CDHR3: variants seen among roughly 807,000 people sequenced by gnomAD.
CDHR3 encodes the protein cadherin-related family member 3.
Under a neutral mutation model 86.6 loss-of-function variants are expected in CDHR3, and 79 were observed. That is an observed-to-expected ratio of 0.91 (90% confidence interval 0.76 to 1.10). The LOEUF (loss-of-function observed/expected upper bound fraction) is 1.10. Ranked by LOEUF, CDHR3 falls within the 50% of genes least tolerant of loss-of-function variation. CDHR3 has a pLI of 0.00. For missense variants in CDHR3, 1,081 were observed against 1,077.6 expected (o/e 1.00, Z -0.04); for synonymous variants, 421 against 402.4 (o/e 1.05, Z -0.55).
At chr7:106,009,596 C>CGGCTGCT (rs1834457171) in intron 8 of CDHR3, among the ~76,000 whole-genome samples, 1 of 152,172 alleles carries the variant, frequency 6.6e-6, no homozygotes, top group Admixed American at 6.5e-5. Context: ...GAGGTCAGCG[C>CGGCTGCT]GGCTGCTGGA....
chr7:105,973,409 A>G (rs986028098), intron 1 of CDHR3, among the ~76,000 whole-genome samples: 11 of 152,212 alleles, frequency 7.2e-5, no homozygotes, highest in Non-Finnish European at 1.2e-4. Flanking sequence ...AAAGTCTGCA[A>G]TCAAGGTGTT....
intron 11 of CDHR3, 65 bp from the exon 12 acceptor site, chr7:106,017,781 G>C (rs1339014924): frequency 7.4e-7 from 1 of 1,345,000 alleles, no homozygotes. Flanking sequence ...TAGGACATCT[G>C]TTCCTGAATC....
chr7:105,994,716 G>A lies in CDHR3; in HGVS notation c.514-35G>A, dbSNP rs1170696086. The stretch of plus-strand genomic sequence containing the variant: ...CTTCTGGGGAAGGGTGGGCAGGTGG[G>A]CTGATTTCATCAATTTTTTTCCCTT... On this transcript the variant is annotated intron_variant, in intron 4 of 18. Transcript: ENST00000317716. 5 of 1,444,666 alleles carry A rather than the reference G, an allele frequency of 3.5e-6. No homozygotes were observed. The Admixed American group carries it at 5.5e-5, about 16-fold the overall frequency. The allele number at this position is 1,444,666 out of a possible 1,614,324, so 89.5% of individuals were successfully genotyped here.
chr7:105,966,910 C>A (rs1042503079), intron 1 of CDHR3, among the ~76,000 whole-genome samples: 2 of 151,876 alleles, frequency 1.3e-5, no homozygotes, highest in Non-Finnish European at 2.9e-5. Flanking sequence ...CAAAATTAAT[C>A]TTGGTTTTTG....
intron 7 of CDHR3, 75 bp downstream of exon 7, chr7:106,001,685 C>T (rs1833204460): frequency 1.3e-6 from 2 of 1,568,980 alleles, no homozygotes; most frequent in South Asian, 2.3e-5. Context: ...GTAGTTGTCC[C>T]TCGTTACCCA....
chr7:106,008,933 C>T (rs1834346034), intron 8 of CDHR3, among the ~76,000 whole-genome samples: 1 of 152,150 alleles, frequency 6.6e-6, no homozygotes. Context: ...CATTTTCTCT[C>T]TTCAGTGCAT....
intron 13 of CDHR3, among the ~76,000 whole-genome samples, chr7:106,021,394 G>A (rs1417304096): frequency 6.6e-6 from 1 of 152,214 alleles, no homozygotes; most frequent in Non-Finnish European, 1.5e-5. Flanking sequence ...CGAGACTGCA[G>A]TTGCCGAAGA....
intron 8 of CDHR3, among the ~76,000 whole-genome samples, chr7:106,012,499 G>A (rs1008577354): frequency 7.2e-5 from 11 of 152,128 alleles, no homozygotes; most frequent in African/African-American, 2.7e-4. Flanking sequence ...CAGGAGGAGA[G>A]TGAACAAGGA....
intron 7 of CDHR3, among the ~76,000 whole-genome samples, chr7:106,003,834 T>C (rs1398876287): frequency 2.0e-5 from 3 of 151,914 alleles, no homozygotes; most frequent in Non-Finnish European, 2.9e-5. Context: ...TGTCAGCTGA[T>C]AGTGTAGGGA....
chr7:105,981,196 C>G, intron 3 of CDHR3, 63 bp downstream of exon 3: 3 of 1,476,422 alleles, frequency 2.0e-6, no homozygotes, highest in Non-Finnish European at 2.7e-6. Flanking sequence ...CCCTGGGGGA[C>G]AGAGAGAAAC....
chr7:105,980,608 T>TTTTTTTTTTTTTA (rs1829547912), intron 2 of CDHR3, among the ~76,000 whole-genome samples: 1 of 30,796 alleles, frequency 3.2e-5, no homozygotes, highest in African/African-American at 1.3e-4. Context: ...TTTTTTTTAA[T>TTTTTTTTTTTTTA]TTTTTTTTTT....
intron 8 of CDHR3, among the ~76,000 whole-genome samples, chr7:106,012,054 G>A (rs183822697): frequency 2.0e-5 from 3 of 152,304 alleles, no homozygotes; most frequent in African/African-American, 7.2e-5. Flanking sequence ...CAGGCAGGAC[G>A]TAAAATTTAT....
At chr7:105,992,557 C>G (rs999233128) in intron 4 of CDHR3, among the ~76,000 whole-genome samples, 3 of 152,226 alleles carry the variant, frequency 2.0e-5, no homozygotes, top group African/African-American at 7.2e-5. Context: ...GTGGCATCAC[C>G]CAAATATTTC....
Position 106,026,684 on chromosome 7 carries a change from C to A in CDHR3, c.2261C>A (p.Thr754Lys). ...CKTGKNKEPL[T>K]KKGETKTAER... Reference sequence around the variant, plus strand: ...AGCCATTCTTTTTCCCCCCATAGGACAAAGAAAGGAGGTATGTACAGTACC... The same window carrying A: ...AGCCATTCTTTTTCCCCCCATAGGAAAAAGAAAGGAGGTATGTACAGTACC... The change falls in exon 16 of 19, where the codon ACA becomes AAA. Residue 754 changes from threonine (T) to lysine (K), a missense_variant and splice_region_variant. Physicochemically the swap from Thr to Lys is moderately conservative, Grantham distance 78 (BLOSUM62 -1). Transcript: ENST00000317716. 6.2e-7 allele frequency: 1 copy of A among 1,613,734 alleles called. No individual in the cohort carries two copies.
In CDHR3 at chr7:106,030,479, G is replaced by A. The variant is rs73195677; in HGVS notation, c.2305-313G>A. On this transcript the variant is annotated intron_variant, in intron 17 of 18. Transcript: ENST00000317716. The surrounding 1 kb of genome is among the most constrained non-coding windows in gnomAD (Gnocchi z 4.8). ...CGCTCAGATTTTATTTACTCAGGAT[G>A]CTTCCTTAACCCCCAAGTGTGGTTT... is the stretch of plus-strand genomic sequence containing the variant. Among the ~76,000 whole-genome samples, 5,939 of 152,264 alleles carry A rather than the reference G, an allele frequency of 0.039. 160 individuals carry two copies. Among genetic ancestry groups the A allele is most frequent in the South Asian group, 0.13 (641 of 4,834 alleles).
intron 12 of CDHR3, among the ~76,000 whole-genome samples, chr7:106,020,050 G>GTGT (rs1563297537): frequency 1.4e-5 from 2 of 145,214 alleles, no homozygotes; most frequent in Admixed American, 6.8e-5. Context: ...TGTGTGTGTG[G>GTGT]GGGGGGGGCA....
rs1838440549 is a variant in CDHR3 at position 106,031,968 on chromosome 7, A to G, written c.2354-425A>G. Among the ~76,000 whole-genome samples, 5 of 152,144 alleles carry G rather than the reference A, an allele frequency of 3.3e-5. No homozygotes were observed. In the South Asian group the frequency reaches 8.3e-4, roughly 25 times the overall value. Reference sequence around the variant, plus strand: ...AATAAAAATCAGCCTTTTCCTTCTCACTTGGTGAATTCCTTTTTATAGCAG... The same window carrying G: ...AATAAAAATCAGCCTTTTCCTTCTCGCTTGGTGAATTCCTTTTTATAGCAG... On this transcript the variant is annotated intron_variant, in intron 18 of 18. Transcript: ENST00000317716.
chr7:105,991,288 T>C (rs760625878), intron 4 of CDHR3, among the ~76,000 whole-genome samples: 1 of 152,186 alleles, frequency 6.6e-6, no homozygotes, highest in Non-Finnish European at 1.5e-5. Context: ...GACACAATAT[T>C]TTTAGTCTTT....
rs373226726 is a variant in CDHR3 at position 106,020,411 on chromosome 7, A to G, written c.1692A>G (p.Pro564=). The G allele has an allele frequency of 1.9e-6, 3 of 1,613,720 alleles. No individual in the cohort carries two copies. The highest frequency in any genetic ancestry group is 1.3e-5 in the African/African-American group (1 of 74,912). The change falls in exon 13 of 19, where the codon CCA becomes CCG. Residue 564 remains proline, a synonymous_variant. Transcript: ENST00000317716. Reference sequence around the variant, plus strand: ...TCCTTGAAGAAAATGATGAAAAGCCAATTTGTACTCCAAACTCTTATTTCC... The same window carrying G: ...TCCTTGAAGAAAATGATGAAAAGCCGATTTGTACTCCAAACTCTTATTTCC... The part of the protein sequence containing the change: ...VNILEENDEK[P]ICTPNSYFLA...
Sources: gnomAD v4.1 joint callset for allele counts (sites outside exome capture counted in the v4.1 genomes callset) on GRCh38, gnomAD v4.1.1 for gene constraint, Gnocchi (gnomAD v3.1) non-coding constraint, MANE v1.5 for transcripts, NCBI Gene and HGNC (gene_info 2026-07-23, HGNC 2026-07-21) for gene names.